The following NBAS variants were observed in gnomAD, a reference collection of about 807,000 sequenced individuals.
NBAS encodes the protein NBAS subunit of NRZ tethering complex, also known as NAG/BC035112 fusion.
In NBAS, 219 loss-of-function variants were observed where a neutral mutation model predicts 302.5. The ratio of observed to expected loss-of-function variants is 0.72; its 90% CI spans 0.65 to 0.81. NBAS has a LOEUF of 0.81. NBAS is among the 30% of genes least tolerant of loss of function. The pLI, the probability that NBAS is intolerant of heterozygous loss-of-function variation, is 0.00. For synonymous variants in NBAS, 1,118 were observed against 1,021.6 expected (o/e 1.09, Z -1.80); for missense variants, 2,932 against 2,841.6 (o/e 1.03, Z -0.72).
At chr2:14,788,565 T>C in the NBAS span, among the ~76,000 whole-genome samples, 1 of 152,204 alleles carries the variant, frequency 6.6e-6, no homozygotes, top group East Asian at 1.9e-4. Context: ...TGCAGGTCTG[T>C]TGGAGTTTGC....
chr2:15,468,985 C>G (rs564667460), intron 16 of NBAS, among the ~76,000 whole-genome samples: 3 of 152,086 alleles, frequency 2.0e-5, no homozygotes, highest in African/African-American at 2.4e-5. Flanking sequence ...GAGATATATC[C>G]CAGGGTGTGA....
chr2:15,515,980 G>T (rs142233970), intron 9 of NBAS, among the ~76,000 whole-genome samples: 1 of 152,248 alleles, frequency 6.6e-6, no homozygotes, highest in East Asian at 1.9e-4. Context: ...AGATAAGGTG[G>T]GGAGAAGGGA....
Position 15,464,203 on chromosome 2 carries a change from C to T in NBAS, c.2098-2412G>A, listed in dbSNP as rs1020284166. Among the ~76,000 whole-genome samples, 158 of 152,310 alleles carry T rather than the reference C, an allele frequency of 1.0e-3. 3 individuals are homozygous for T. The highest frequency in any genetic ancestry group is 1.8e-4 in the Non-Finnish European group (12 of 68,020). On this transcript the variant is annotated intron_variant, in intron 19 of 51. Transcript: ENST00000281513. Reference sequence around the variant, plus strand: ...TTAGTGCTGTTCATCAACGCTACTACATTTCCCTAAGAAGTTTTATTTCCT... The same window carrying T: ...TTAGTGCTGTTCATCAACGCTACTATATTTCCCTAAGAAGTTTTATTTCCT...
the NBAS span, among the ~76,000 whole-genome samples, chr2:14,811,087 A>T: frequency 2.0e-5 from 3 of 152,190 alleles, no homozygotes; most frequent in Non-Finnish European, 4.4e-5. Context: ...GGCTAATGAT[A>T]TAGGGTTTTA....
At chr2:14,872,398 G>C in the NBAS span, among the ~76,000 whole-genome samples, 465 of 152,190 alleles carry the variant, frequency 3.1e-3, 2 homozygotes, top group African/African-American at 0.011. Flanking sequence ...CAAAAAAGCA[G>C]AATATGCATA....
intron 21 of NBAS, among the ~76,000 whole-genome samples, chr2:15,451,326 T>C (rs1679000615): frequency 1.3e-5 from 2 of 152,174 alleles, no homozygotes; most frequent in African/African-American, 2.4e-5. Context: ...GCTGGTATTA[T>C]AGGCATGAGC....
rs777686582 is a variant in NBAS, at chr2:15,396,396, A to C, written c.3134+17T>G. The C allele has an allele frequency of 1.3e-6, 2 of 1,598,768 alleles. No homozygotes were observed. The highest frequency in any genetic ancestry group is 1.7e-6 in the Non-Finnish European group (2 of 1,172,024). On this transcript the variant is annotated intron_variant, in intron 27 of 51. Coordinates refer to ENST00000281513, the MANE Select transcript of NBAS (RefSeq NM_015909.4). ...TTAATAAGCATGGAGAAAAAAAAAA[A>C]CTGTCATTTTTCTCACCTGAGAATT...
the NBAS span, among the ~76,000 whole-genome samples, chr2:14,947,173 A>G: frequency 6.6e-6 from 1 of 152,092 alleles, no homozygotes; most frequent in Non-Finnish European, 1.5e-5. Context: ...AGATCGGAGC[A>G]GAAATTAATG....
At chr2:15,466,169 AG>A (rs556495724) in intron 19 of NBAS, among the ~76,000 whole-genome samples, 106 of 152,270 alleles carry the variant, frequency 7.0e-4, no homozygotes, top group African/African-American at 2.4e-3. Flanking sequence ...TTATATTAGC[AG>A]GGTGGGGGAA....
At chr2:15,234,439 G>T in intron 46 of NBAS, 106 bp downstream of exon 46, 1 of 1,152,270 alleles carries the variant, frequency 8.7e-7, no homozygotes, top group Non-Finnish European at 1.3e-6. Context: ...CTTTTGTAAA[G>T]TCCTTCAAAA....
At chr2:15,435,796 A>G (rs1677982297) in intron 21 of NBAS, among the ~76,000 whole-genome samples, 1 of 152,206 alleles carries the variant, frequency 6.6e-6, no homozygotes, top group Non-Finnish European at 1.5e-5. Context: ...TCGATAGTAT[A>G]TAAGTGGTAT....
the NBAS span, among the ~76,000 whole-genome samples, chr2:14,902,754 A>C: frequency 1.3e-5 from 2 of 152,222 alleles, no homozygotes; most frequent in Non-Finnish European, 2.9e-5. Flanking sequence ...TAAGTTTATA[A>C]GGAGGTAATT....
intron 32 of NBAS, among the ~76,000 whole-genome samples, chr2:15,358,165 G>A (rs1673714663): frequency 6.6e-6 from 1 of 151,980 alleles, no homozygotes; most frequent in South Asian, 2.1e-4. Context: ...CCACTCACTT[G>A]CACACCCTAC....
the NBAS span, among the ~76,000 whole-genome samples, chr2:14,830,125 C>T: frequency 6.6e-6 from 1 of 152,072 alleles, no homozygotes; most frequent in African/African-American, 2.4e-5. Context: ...GGCTGTGTCC[C>T]CTTGTCATTC....
the NBAS span, among the ~76,000 whole-genome samples, chr2:15,060,475 T>C: frequency 6.6e-6 from 1 of 152,124 alleles, no homozygotes; most frequent in East Asian, 1.9e-4. Flanking sequence ...ACACAGGGCA[T>C]GCTGAGCCCC....
intron 9 of NBAS, among the ~76,000 whole-genome samples, chr2:15,520,834 T>A (rs574708277): frequency 1.9e-3 from 285 of 152,362 alleles, no homozygotes; most frequent in Middle Eastern, 3.4e-3. Flanking sequence ...TTACTGGGCA[T>A]GGGAATCAAA....
intron 9 of NBAS, among the ~76,000 whole-genome samples, chr2:15,514,306 A>T (rs1252689966): frequency 2.0e-5 from 3 of 152,212 alleles, no homozygotes; most frequent in African/African-American, 4.8e-5. Context: ...CAAATTTTCC[A>T]TAAATTTATT....
intron 44 of NBAS, among the ~76,000 whole-genome samples, chr2:15,267,186 T>C (rs1253009369): frequency 6.6e-6 from 1 of 152,256 alleles, no homozygotes; most frequent in East Asian, 1.9e-4. Context: ...TCAATATGCA[T>C]GCATGCATGC....
the NBAS span, among the ~76,000 whole-genome samples, chr2:14,964,879 A>C: frequency 2.0e-5 from 3 of 152,182 alleles, no homozygotes; most frequent in Admixed American, 1.3e-4. Flanking sequence ...TAGCAACGGA[A>C]GAATCTCTTT....
Sources: allele counts gnomAD v4.1 joint callset (sites outside exome capture counted in the v4.1 genomes callset), GRCh38; gene constraint gnomAD v4.1.1; transcripts MANE v1.5; gene names NCBI Gene and HGNC (gene_info 2026-07-23, HGNC 2026-07-21).